UNC13C: variants seen among roughly 807,000 people sequenced by gnomAD.
UNC13C encodes the protein unc-13 homolog C.
A neutral mutation model predicts 245.4 loss-of-function variants in UNC13C; 174 were observed. The ratio of observed to expected loss-of-function variants is 0.71; its 90% CI spans 0.63 to 0.80. The LOEUF is 0.80. Ranked by LOEUF, UNC13C falls within the 30% of genes least tolerant of loss-of-function variation. The pLI is 0.00. For missense variants in UNC13C, 2,829 were observed against 2,602.9 expected (o/e 1.09, Z -1.89); for synonymous variants, 992 against 895.1 (o/e 1.11, Z -1.93).
intron 17 of UNC13C, among the ~76,000 whole-genome samples, chr15:54,341,493 G>A (rs538629631): frequency 5.9e-5 from 9 of 152,144 alleles, no homozygotes; most frequent in African/African-American, 2.2e-4. Flanking sequence ...CTGGGTAAGG[G>A]GATCAGTCGT....
the UNC13C span, among the ~76,000 whole-genome samples, chr15:53,846,437 G>T: frequency 6.6e-6 from 1 of 152,214 alleles, no homozygotes; most frequent in Admixed American, 6.5e-5. Flanking sequence ...CATGAGACTA[G>T]TGATGCCACA....
chr15:54,139,851 T>A (rs1180572868), intron 2 of UNC13C, among the ~76,000 whole-genome samples: 1 of 152,152 alleles, frequency 6.6e-6, no homozygotes, highest in Non-Finnish European at 1.5e-5. Flanking sequence ...ATCTTTAATG[T>A]ATGTGGAACT....
At position 54,416,905 on chromosome 15, in the gene UNC13C, G is replaced by A. The variant is rs151265021; in HGVS notation, c.4933+1838G>A. On this transcript the variant is annotated intron_variant, in intron 19 of 32. Coordinates refer to ENST00000260323, the MANE Select transcript of UNC13C (RefSeq NM_001080534.3). Reference sequence around the variant, plus strand: ...CTACAGTAAAAGTTTATTCCTGCATGAGGGATTTTTTGGCCAGCTGCTCTG... The same window carrying A: ...CTACAGTAAAAGTTTATTCCTGCATAAGGGATTTTTTGGCCAGCTGCTCTG... 1.0e-3 allele frequency: 465 copies of A among 456,550 alleles called. 2 individuals carry two copies. The highest frequency in any genetic ancestry group is 8.5e-3 in the African/African-American group (425 of 50,162). The allele number at this position is 456,550 out of a possible 1,614,324, so 28.3% of individuals were successfully genotyped here. A position where few individuals can be genotyped will look rare whatever the true frequency, so the allele number is the denominator to read the frequency against.
At chr15:54,060,951 A>C (rs1897797419) in intron 2 of UNC13C, among the ~76,000 whole-genome samples, 2 of 151,808 alleles carry the variant, frequency 1.3e-5, no homozygotes, top group African/African-American at 4.8e-5. Context: ...GGAACATCAC[A>C]CACCGGGGAC....
At chr15:54,243,428 C>A (rs1364348665) in intron 7 of UNC13C, among the ~76,000 whole-genome samples, 1 of 152,050 alleles carries the variant, frequency 6.6e-6, no homozygotes, top group Non-Finnish European at 1.5e-5. Flanking sequence ...CTATTGTGAA[C>A]AGTGCTGCAA....
At chr15:54,474,122 G>A (rs575469567) in intron 19 of UNC13C, among the ~76,000 whole-genome samples, 10 of 152,092 alleles carry the variant, frequency 6.6e-5, no homozygotes, top group South Asian at 4.1e-4. Context: ...CAATAAACAC[G>A]GGGGTGCAGG....
At chr15:54,162,629 A>G (rs1017884113) in intron 4 of UNC13C, among the ~76,000 whole-genome samples, 16 of 152,224 alleles carry the variant, frequency 1.1e-4, no homozygotes, top group Non-Finnish European at 2.4e-4. Flanking sequence ...GCTCCAGGAA[A>G]TAGACAGTTC....
Position 54,235,776 on chromosome 15 carries a change from G to T in UNC13C, c.3151-654G>T, listed in dbSNP as rs112044177. Among the ~76,000 whole-genome samples the T allele has an allele frequency of 2.3e-4, 35 of 152,172 alleles. No individual in the cohort carries two copies. The South Asian group carries it at 7.3e-3, about 32-fold the overall frequency. ...TGAGGCAGGAGAATGGCGTGAACCC[G>T]GGAGGCGGAGCTTGCGTGAGCCGAG... On this transcript the variant is annotated intron_variant, in intron 5 of 32. Transcript: ENST00000260323.
At chr15:54,472,870 T>C (rs1892533205) in intron 19 of UNC13C, among the ~76,000 whole-genome samples, 1 of 151,956 alleles carries the variant, frequency 6.6e-6, no homozygotes, top group Non-Finnish European at 1.5e-5. Flanking sequence ...TTTAAACATG[T>C]ATTTCATATT....
At chr15:54,140,865 AT>A (rs2141232805) in intron 2 of UNC13C, among the ~76,000 whole-genome samples, 1 of 152,320 alleles carries the variant, frequency 6.6e-6, no homozygotes, top group East Asian at 1.9e-4. Context: ...TTTTAGAAAG[AT>A]TTCAGGGAAG....
At position 54,481,999 on chromosome 15, in the gene UNC13C, G is replaced by A. The variant is rs185324864; in HGVS notation, c.4934-12609G>A. ...CAGCATTGCTCCTGTGAGGGGCAGG[G>A]TTGCTCTGCATGGCAGTGGTCCTAG... On this transcript the variant is annotated intron_variant, in intron 19 of 32. Coordinates refer to ENST00000260323, the MANE Select transcript of UNC13C (RefSeq NM_001080534.3). Among the ~76,000 whole-genome samples the A allele has an allele frequency of 1.8e-4, 28 of 152,326 alleles. 1 individual carries two copies. The highest frequency in any genetic ancestry group is 1.0e-3 in the Admixed American group (16 of 15,298).
intron 4 of UNC13C, among the ~76,000 whole-genome samples, chr15:54,161,787 A>G (rs901830261): frequency 7.9e-5 from 12 of 152,050 alleles, no homozygotes; most frequent in Non-Finnish European, 1.6e-4. Context: ...CCTGTCTCTC[A>G]TAAGAATACA....
chr15:54,351,753 A>C lies in UNC13C; in HGVS notation c.4713+13264A>C, dbSNP rs571190444. Among the ~76,000 whole-genome samples, 187 of 152,230 alleles carry C rather than the reference A, an allele frequency of 1.2e-3. 2 individuals carry two copies. Among genetic ancestry groups the C allele is most frequent in the African/African-American group, 4.4e-3 (181 of 41,568 alleles). ...ATACTAGGCATTCCATAAATAGTGGATATAATAGTTGCCATTTTTATTTAT... is the reference window on the plus strand; with the variant it reads ...ATACTAGGCATTCCATAAATAGTGGCTATAATAGTTGCCATTTTTATTTAT... On this transcript the variant is annotated intron_variant, in intron 17 of 32. Transcript: ENST00000260323.
chr15:54,589,968 AG>A (rs1898698475), intron 30 of UNC13C, among the ~76,000 whole-genome samples: 1 of 152,232 alleles, frequency 6.6e-6, no homozygotes, highest in Non-Finnish European at 1.5e-5. Flanking sequence ...TTTTTGTATA[AG>A]ATGAGAGATG....
intron 1 of UNC13C, among the ~76,000 whole-genome samples, chr15:53,981,392 A>G (rs1425700070): frequency 6.6e-6 from 1 of 152,210 alleles, no homozygotes; most frequent in Non-Finnish European, 1.5e-5. Flanking sequence ...AGTTTTAAAT[A>G]CATGCCAAGT....
intron 17 of UNC13C, among the ~76,000 whole-genome samples, chr15:54,342,380 C>T (rs1051889398): frequency 2.6e-5 from 4 of 152,044 alleles, no homozygotes; most frequent in Non-Finnish European, 4.4e-5. Flanking sequence ...ACCTGGGCAA[C>T]ATAGCAAGAC....
intron 1 of UNC13C, among the ~76,000 whole-genome samples, chr15:53,999,839 A>C (rs1894803913): frequency 6.6e-6 from 1 of 151,924 alleles, no homozygotes; most frequent in Admixed American, 6.6e-5. Flanking sequence ...AGCTGTGGAG[A>C]TGGAGTGTTT....
the UNC13C span, among the ~76,000 whole-genome samples, chr15:53,950,747 A>AT: frequency 6.6e-6 from 1 of 152,174 alleles, no homozygotes. Context: ...GCCAGGGGTT[A>AT]TGCATTTTTC....
At chr15:54,428,164 T>A (rs979284800) in intron 19 of UNC13C, among the ~76,000 whole-genome samples, 12 of 151,840 alleles carry the variant, frequency 7.9e-5, no homozygotes, top group Non-Finnish European at 1.5e-4. Context: ...CAGATATCTC[T>A]TTAATTCTAA....
Sources: gnomAD v4.1 joint callset for allele counts (sites outside exome capture counted in the v4.1 genomes callset) on GRCh38, gnomAD v4.1.1 for gene constraint, MANE v1.5 for transcripts, NCBI Gene and HGNC (gene_info 2026-07-23, HGNC 2026-07-21) for gene names.